Variants in SLC9A9 observed in about 807,000 individuals in gnomAD.
SLC9A9 encodes sodium/hydrogen exchanger 9.
Under a neutral mutation model 77.8 loss-of-function variants are expected in SLC9A9, and 62 were observed. The ratio of observed to expected loss-of-function variants is 0.80; its 90% CI spans 0.65 to 0.98. SLC9A9 has a LOEUF of 0.98. Ranked by LOEUF, SLC9A9 falls within the 50% of genes least tolerant of loss-of-function variation. The pLI is 0.00. For synonymous variants in SLC9A9, 320 were observed against 283.5 expected, an observed-to-expected ratio of 1.13 and a Z score of -1.29; for missense variants, 775 against 774.9, an observed-to-expected ratio of 1.00 and a Z score of 0.00.
intron 4 of SLC9A9, among the ~76,000 whole-genome samples, chr3:143,730,886 A>T (rs968505294): frequency 6.6e-6 from 1 of 152,216 alleles, no homozygotes; most frequent in African/African-American, 2.4e-5. Context: ...AAAAAGGTTT[A>T]TCGCTAAAGA....
intron 6 of SLC9A9, among the ~76,000 whole-genome samples, chr3:143,635,601 T>C (rs1459043709): frequency 6.6e-6 from 1 of 152,242 alleles, no homozygotes; most frequent in Non-Finnish European, 1.5e-5. Flanking sequence ...TCCATACAAA[T>C]AGCCTCCAGC....
At chr3:143,339,949 A>C (rs560272214) in intron 14 of SLC9A9, among the ~76,000 whole-genome samples, 8 of 152,224 alleles carry the variant, frequency 5.3e-5, no homozygotes, top group African/African-American at 1.9e-4. Context: ...ATTAACTGAC[A>C]TAAAAAAAGC....
At chr3:143,784,663 G>C (rs2007990718) in intron 4 of SLC9A9, among the ~76,000 whole-genome samples, 1 of 151,778 alleles carries the variant, frequency 6.6e-6, no homozygotes, top group African/African-American at 2.4e-5. Flanking sequence ...CCAGTCCTGA[G>C]TCATATTTTC....
At chr3:143,716,964 A>G (rs1014324353) in intron 4 of SLC9A9, among the ~76,000 whole-genome samples, 1 of 152,208 alleles carries the variant, frequency 6.6e-6, no homozygotes, top group Non-Finnish European at 1.5e-5. Context: ...AAGGGCAAGG[A>G]GACGAGGAAT....
chr3:143,437,486 G>A (rs770262395), intron 12 of SLC9A9, among the ~76,000 whole-genome samples: 8 of 152,194 alleles, frequency 5.3e-5, no homozygotes, highest in East Asian at 1.9e-4. Context: ...CTATTACTGC[G>A]TCCTGCTTCC....
rs192350952 is a variant in SLC9A9, at chr3:143,280,876, C to G, written c.1605-11896G>C. On this transcript the variant is annotated intron_variant, in intron 14 of 15. Coordinates refer to ENST00000316549, the MANE Select transcript of SLC9A9 (RefSeq NM_173653.4). ...CCAGAAATACATTTTACAATTGTTA[C>G]TTAGTACATGCCTCAACATTTTCTC... Among the ~76,000 whole-genome samples, 31 of 152,270 alleles carry G rather than the reference C, an allele frequency of 2.0e-4. 1 individual carries two copies. In the East Asian group the frequency reaches 3.1e-3, roughly 15 times the overall value.
intron 2 of SLC9A9, among the ~76,000 whole-genome samples, chr3:143,829,954 A>C (rs906546827): frequency 3.9e-5 from 6 of 152,186 alleles, no homozygotes; most frequent in Non-Finnish European, 5.9e-5. Flanking sequence ...AAGCTTAAGA[A>C]ACTCAAAGAA....
chr3:143,737,968 G>A (rs536926754), intron 4 of SLC9A9, among the ~76,000 whole-genome samples: 4 of 152,266 alleles, frequency 2.6e-5, no homozygotes, highest in African/African-American at 4.8e-5. Flanking sequence ...AAAACCCTAT[G>A]AGAATGTATG....
In SLC9A9 at chr3:143,705,330, G is replaced by A. The variant is rs563798795; in HGVS notation, c.534-12023C>T. Among the ~76,000 whole-genome samples the A allele has an allele frequency of 1.8e-4, 28 of 152,078 alleles. No homozygotes were observed. The South Asian group carries it at 5.6e-3, about 30-fold the overall frequency. Reference sequence around the variant, plus strand: ...GGGGGTGTGGAGGAGGGGAAGTGTGGATGGTTAATGGGTACAAAAAAAAGT... The same window carrying A: ...GGGGGTGTGGAGGAGGGGAAGTGTGAATGGTTAATGGGTACAAAAAAAAGT... On this transcript the variant is annotated intron_variant, in intron 4 of 15. Transcript: ENST00000316549.
intron 14 of SLC9A9, among the ~76,000 whole-genome samples, chr3:143,297,796 C>T (rs989070496): frequency 8.5e-5 from 13 of 152,056 alleles, no homozygotes; most frequent in East Asian, 1.9e-4. Context: ...ATTTTGTTGT[C>T]GTATAGAAAC....
intron 9 of SLC9A9, chr3:143,517,454 T>C: frequency 1.3e-6 from 2 of 1,597,322 alleles, no homozygotes; most frequent in South Asian, 2.2e-5. Context: ...CTCATGCTCC[T>C]CTTGAGCCTT....
At chr3:143,272,310 C>A (rs1346350553) in intron 14 of SLC9A9, among the ~76,000 whole-genome samples, 1 of 152,186 alleles carries the variant, frequency 6.6e-6, no homozygotes, top group African/African-American at 2.4e-5. Flanking sequence ...AGAAAATTCC[C>A]TTTTCTCGAA....
chr3:143,285,132 C>G (rs187898480), intron 14 of SLC9A9, among the ~76,000 whole-genome samples: 5 of 152,188 alleles, frequency 3.3e-5, no homozygotes, highest in Non-Finnish European at 4.4e-5. Flanking sequence ...ATGTGCAGAA[C>G]GTCAGGTTTG....
chr3:143,652,553 T>C (rs2038815784), intron 5 of SLC9A9, among the ~76,000 whole-genome samples, 193 bp from the exon 6 acceptor site: 1 of 152,126 alleles, frequency 6.6e-6, no homozygotes, highest in Non-Finnish European at 1.5e-5. Flanking sequence ...TGCTTAAAGA[T>C]AAAATTTGAG....
chr3:143,718,144 A>T (rs1397782441), intron 4 of SLC9A9, among the ~76,000 whole-genome samples: 1 of 152,108 alleles, frequency 6.6e-6, no homozygotes, highest in Non-Finnish European at 1.5e-5. Context: ...ACGAATTGGC[A>T]CATTTATCAG....
At chr3:143,359,449 G>A (rs954748829) in intron 14 of SLC9A9, among the ~76,000 whole-genome samples, 6 of 152,066 alleles carry the variant, frequency 3.9e-5, no homozygotes, top group African/African-American at 9.7e-5. Flanking sequence ...TAGATATAGC[G>A]CCAGGGAGGT....
chr3:143,519,035 T>G (rs1302662029), intron 9 of SLC9A9, among the ~76,000 whole-genome samples: 1 of 152,216 alleles, frequency 6.6e-6, no homozygotes, highest in East Asian at 1.9e-4. Context: ...AAAAAGCAAC[T>G]GAGGACCTAC....
intron 5 of SLC9A9, among the ~76,000 whole-genome samples, chr3:143,678,632 T>G (rs1461319750): frequency 3.3e-5 from 5 of 152,212 alleles, no homozygotes. Context: ...TATTATTTTT[T>G]ACTGGTCTTG....
intron 12 of SLC9A9, among the ~76,000 whole-genome samples, chr3:143,421,907 T>A (rs899492976): frequency 4.0e-5 from 6 of 151,426 alleles, no homozygotes; most frequent in African/African-American, 1.5e-4. Context: ...AAACGAATAA[T>A]CCCATGAAAA....
Sources: allele counts gnomAD v4.1 joint callset (sites outside exome capture counted in the v4.1 genomes callset), GRCh38; gene constraint gnomAD v4.1.1; transcripts MANE v1.5; gene names NCBI Gene and HGNC (gene_info 2026-07-23, HGNC 2026-07-21).